QNG1: variants seen among roughly 807,000 people sequenced by gnomAD.
The protein encoded by QNG1 is queuosine 5'-phosphate N-glycosylase/hydrolase.
At chr9:83,939,587 A>C in the QNG1 span, 1 of 1,614,112 alleles carries the variant, frequency 6.2e-7, no homozygotes, top group Non-Finnish European at 8.5e-7. Flanking sequence ...ATAGTCCCAT[A>C]AGTAATAATC....
the QNG1 span, among the ~76,000 whole-genome samples, chr9:83,952,950 ACT>A: frequency 3.4e-5 from 5 of 145,576 alleles, no homozygotes; most frequent in African/African-American, 5.1e-5. Flanking sequence ...ACAGAGTGAG[ACT>A]CTGTCTCAAA....
chr9:83,943,084 G>A, the QNG1 span, among the ~76,000 whole-genome samples: 6 of 152,168 alleles, frequency 3.9e-5, no homozygotes, highest in Non-Finnish European at 7.4e-5. Context: ...GCTCACGCCT[G>A]TAATCCCAGC....
chr9:83,944,086 C>T, the QNG1 span, among the ~76,000 whole-genome samples: 1 of 152,134 alleles, frequency 6.6e-6, no homozygotes, highest in Admixed American at 6.6e-5. Context: ...CTTTGGAAGG[C>T]TGAAGTGAGA....
At chr9:83,945,965 C>T in the QNG1 span, among the ~76,000 whole-genome samples, 6 of 151,922 alleles carry the variant, frequency 3.9e-5, no homozygotes, top group East Asian at 1.9e-4. Flanking sequence ...AATTAAAACA[C>T]GTCTGTTTTT....
At chr9:83,948,325 CCGTCTGGG>C in the QNG1 span, among the ~76,000 whole-genome samples, 2 of 102,374 alleles carry the variant, frequency 2.0e-5, no homozygotes, top group Non-Finnish European at 5.3e-5. Context: ...GGCAGCCGCC[CCGTCTGGG>C]AAGTGAGGAG....
At chr9:83,943,416 A>C in the QNG1 span, among the ~76,000 whole-genome samples, 2 of 151,586 alleles carry the variant, frequency 1.3e-5, no homozygotes, top group Non-Finnish European at 2.9e-5. Flanking sequence ...AGGAATGAAC[A>C]GTGTGTACAA....
chr9:83,946,481 T>G, the QNG1 span, among the ~76,000 whole-genome samples: 1 of 152,180 alleles, frequency 6.6e-6, no homozygotes, highest in African/African-American at 2.4e-5. Context: ...ATTTACCAAT[T>G]TTGGAAATGC....
chr9:83,947,090 T>C, the QNG1 span, among the ~76,000 whole-genome samples: 1 of 151,906 alleles, frequency 6.6e-6, no homozygotes, highest in South Asian at 2.1e-4. Context: ...CCAAAAACAC[T>C]CTGTAAATCT....
chr9:83,944,883 G>A, the QNG1 span: 2 of 1,613,252 alleles, frequency 1.2e-6, no homozygotes, highest in Non-Finnish European at 1.7e-6. Flanking sequence ...AGCAAACATG[G>A]TGATACTGGA....
chr9:83,944,912 A>T, the QNG1 span: 6 of 1,614,148 alleles, frequency 3.7e-6, no homozygotes, highest in Admixed American at 8.3e-5. Flanking sequence ...TGAAGCAGCC[A>T]TCTCCTTTTC....
At chr9:83,939,620 C>T in the QNG1 span, 10 of 1,613,894 alleles carry the variant, frequency 6.2e-6, no homozygotes, top group South Asian at 1.1e-4. Context: ...ATTGATCTCT[C>T]CATTAGGTTT....
At chr9:83,949,848 A>C in the QNG1 span, among the ~76,000 whole-genome samples, 2 of 151,950 alleles carry the variant, frequency 1.3e-5, no homozygotes, top group Non-Finnish European at 2.9e-5. Context: ...CATGGAAAAA[A>C]ACAAAAAATA....
the QNG1 span, chr9:83,956,536 C>A: frequency 6.6e-7 from 1 of 1,504,422 alleles, no homozygotes. Context: ...AAACTCTTCC[C>A]GCCCTAGGCG....
At chr9:83,956,702 A>C in the QNG1 span, 3 of 437,062 alleles carry the variant, frequency 6.9e-6, no homozygotes, top group Non-Finnish European at 1.2e-5. Flanking sequence ...AACCAGAGAG[A>C]CCCCGGGGCA....
the QNG1 span, among the ~76,000 whole-genome samples, chr9:83,947,427 T>C: frequency 2.6e-3 from 398 of 152,358 alleles, no homozygotes; most frequent in Non-Finnish European, 3.9e-3. Context: ...CCTTAAGATA[T>C]GCCTATTGTA....
the QNG1 span, among the ~76,000 whole-genome samples, chr9:83,943,837 C>T: frequency 1.1e-4 from 17 of 152,086 alleles, no homozygotes; most frequent in Middle Eastern, 3.4e-3. Context: ...CTGGCTAACA[C>T]GGTGAAACCC....
At chr9:83,955,885 T>C in the QNG1 span, among the ~76,000 whole-genome samples, 5 of 152,214 alleles carry the variant, frequency 3.3e-5, no homozygotes, top group Admixed American at 6.5e-5. Flanking sequence ...ATAACATCGG[T>C]CCTTTTGTTC....
At chr9:83,955,583 T>C in the QNG1 span, 11 of 1,614,060 alleles carry the variant, frequency 6.8e-6, no homozygotes, top group Non-Finnish European at 9.3e-6. Flanking sequence ...ACGAAGTATA[T>C]TCCGAACCTG....
the QNG1 span, among the ~76,000 whole-genome samples, chr9:83,944,145 T>G: frequency 6.6e-6 from 1 of 152,080 alleles, no homozygotes; most frequent in Non-Finnish European, 1.5e-5. Context: ...AACATATTTT[T>G]TAAATAAAAT....
Sources: allele counts gnomAD v4.1 joint callset (sites outside exome capture counted in the v4.1 genomes callset), GRCh38; gene constraint gnomAD v4.1.1; transcripts MANE v1.5; gene names NCBI Gene and HGNC (gene_info 2026-07-23, HGNC 2026-07-21).